RAB27A: variants seen among roughly 807,000 people sequenced by gnomAD.
RAB27A encodes the protein ras-related protein Rab-27A.
In RAB27A, 17 loss-of-function variants were observed where a neutral mutation model predicts 20.8. That is an observed-to-expected ratio of 0.82 (90% CI 0.56 to 1.23). RAB27A has a LOEUF of 1.23. Among genes scored for constraint, RAB27A ranks in the 50% most tolerant of loss-of-function variants. RAB27A has a pLI of 0.00. For missense variants in RAB27A, 277 were observed against 266.7 expected, an observed-to-expected ratio of 1.04 and a Z score of -0.27; for synonymous variants, 85 against 92.8, an observed-to-expected ratio of 0.92 and a Z score of 0.48.
chr15:55,274,795 TA>T (rs1566932779), intron 1 of RAB27A, among the ~76,000 whole-genome samples: 365 of 6,830 alleles, frequency 0.053, 14 homozygotes, highest in African/African-American at 0.16. Context: ...ATAAATAAAT[TA>T]TATATATATA....
At chr15:55,296,270 G>A (rs2054949168) in intron 2 of RAB27A, among the ~76,000 whole-genome samples, 1 of 151,386 alleles carries the variant, frequency 6.6e-6, no homozygotes, top group Non-Finnish European at 1.5e-5. Flanking sequence ...ACTTTGGGAG[G>A]CCGAGGTGGG....
intron 6 of RAB27A, among the ~76,000 whole-genome samples, chr15:55,211,926 T>A (rs1212587677): frequency 6.6e-6 from 1 of 151,732 alleles, no homozygotes; most frequent in Non-Finnish European, 1.5e-5. Flanking sequence ...TGCAACATGC[T>A]ATTTTATTAA....
chr15:55,229,333 T>C (rs940401782), intron 4 of RAB27A, among the ~76,000 whole-genome samples: 3 of 152,060 alleles, frequency 2.0e-5, no homozygotes, highest in East Asian at 1.9e-4. Flanking sequence ...TGTCATCTAA[T>C]CAGCAATATT....
chr15:55,314,349 T>C (rs1439951790), intron 1 of RAB27A, among the ~76,000 whole-genome samples: 1 of 152,188 alleles, frequency 6.6e-6, no homozygotes, highest in African/African-American at 2.4e-5. Flanking sequence ...AATGGAAGCA[T>C]TCCCTTTGAA....
chr15:55,275,418 GGAGTTTGAAACCAGCCT>G (rs1257497729), intron 1 of RAB27A, among the ~76,000 whole-genome samples: 8 of 152,026 alleles, frequency 5.3e-5, no homozygotes, highest in Admixed American at 5.2e-4. Context: ...CTTGAGGGCA[GGAGTTTGAAACCAGCCT>G]GACCAACATG....
chr15:55,291,327 G>A (rs1051993532), upstream of RAB27A, among the ~76,000 whole-genome samples: 4 of 152,062 alleles, frequency 2.6e-5, no homozygotes, highest in South Asian at 2.1e-4. Flanking sequence ...TGGCTAACAC[G>A]GTGAAACCCC....
intron 2 of RAB27A, chr15:55,237,241 AT>A (rs1240247502): frequency 4.6e-5 from 7 of 152,166 alleles, no homozygotes; most frequent in African/African-American, 1.7e-4. Context: ...CATAAAATTA[AT>A]AAAAACTCAG....
At chr15:55,277,942 G>T (rs1463329442) in intron 1 of RAB27A, among the ~76,000 whole-genome samples, 2 of 152,138 alleles carry the variant, frequency 1.3e-5, no homozygotes, top group African/African-American at 4.8e-5. Flanking sequence ...TTCATCATCT[G>T]TAAAATGAAA....
intron 1 of RAB27A, among the ~76,000 whole-genome samples, chr15:55,279,218 C>T (rs2141116928): frequency 6.6e-6 from 1 of 152,324 alleles, no homozygotes; most frequent in Middle Eastern, 3.4e-3. Context: ...TCTATTTCTT[C>T]TCCACCCAGT....
rs141150649 is a variant in RAB27A at position 55,231,176 on chromosome 15, C to T, written c.154-690G>A. 2.6e-5 allele frequency among the ~76,000 whole-genome samples: 4 copies of T among 152,270 alleles called. No individual in the cohort carries two copies. The East Asian group carries it at 7.7e-4, about 29-fold the overall frequency. On this transcript the variant is annotated intron_variant, in intron 3 of 6. Transcript: ENST00000336787. The stretch of plus-strand genomic sequence containing the variant: ...CACTTTTTTATGGCTGCATAGTATT[C>T]TATGATGTATATGTACCACATTTTC...
chr15:55,277,151 T>C (rs1897896983), intron 1 of RAB27A, among the ~76,000 whole-genome samples: 1 of 152,162 alleles, frequency 6.6e-6, no homozygotes, highest in Non-Finnish European at 1.5e-5. Context: ...AATTCTCTAC[T>C]TCTGTAATAA....
chr15:55,222,741 T>C (rs1356702389), intron 6 of RAB27A, among the ~76,000 whole-genome samples: 3 of 152,160 alleles, frequency 2.0e-5, no homozygotes, highest in Non-Finnish European at 4.4e-5. Context: ...TGGATTCTGC[T>C]AACCACCAAA....
chr15:55,225,907 A>G (rs553922222), intron 5 of RAB27A, among the ~76,000 whole-genome samples: 35 of 152,316 alleles, frequency 2.3e-4, no homozygotes, highest in African/African-American at 7.5e-4. Context: ...ATCTAACACA[A>G]CTAAGTTTAT....
intron 2 of RAB27A, among the ~76,000 whole-genome samples, chr15:55,251,166 C>T (rs536710028): frequency 5.3e-5 from 8 of 152,348 alleles, no homozygotes; most frequent in Non-Finnish European, 8.8e-5. Flanking sequence ...TTTTATTCAG[C>T]GTCTCCTAAA....
At chr15:55,267,556 G>A (rs1409832044) in intron 2 of RAB27A, among the ~76,000 whole-genome samples, 1 of 152,192 alleles carries the variant, frequency 6.6e-6, no homozygotes, top group Non-Finnish European at 1.5e-5. Flanking sequence ...CTGTTGCATA[G>A]ACAGCGCAAA....
At chr15:55,304,479 A>G (rs1330421854) in intron 2 of RAB27A, among the ~76,000 whole-genome samples, 1 of 108,084 alleles carries the variant, frequency 9.3e-6, no homozygotes. Flanking sequence ...AATTTAAAAA[A>G]AAGAAAAAAA....
At chr15:55,274,306 A>T (rs1166542662) in intron 1 of RAB27A, among the ~76,000 whole-genome samples, 1 of 152,186 alleles carries the variant, frequency 6.6e-6, no homozygotes, top group Admixed American at 6.5e-5. Flanking sequence ...AAAGATCTCC[A>T]GTAAACAACC....
chr15:55,228,507 G>T, intron 5 of RAB27A, 102 bp downstream of exon 5: 1 of 910,200 alleles, frequency 1.1e-6, no homozygotes, highest in Non-Finnish European at 1.8e-6. Context: ...TTTGCACTAA[G>T]ATCTCCTCCA....
intron 1 of RAB27A, among the ~76,000 whole-genome samples, chr15:55,275,406 C>T (rs1208674270): frequency 6.6e-6 from 1 of 152,146 alleles, no homozygotes; most frequent in East Asian, 1.9e-4. Flanking sequence ...GAGGGCAGAT[C>T]ACTTGAGGGC....
Sources: gnomAD v4.1 joint callset for allele counts (sites outside exome capture counted in the v4.1 genomes callset) on GRCh38, gnomAD v4.1.1 for gene constraint, MANE v1.5 for transcripts, NCBI Gene and HGNC (gene_info 2026-07-23, HGNC 2026-07-21) for gene names.